Variants in PNRC1 observed in about 807,000 individuals in gnomAD.
The protein encoded by PNRC1 is proline-rich nuclear receptor coactivator 1.
A neutral mutation model predicts 20.2 loss-of-function variants in PNRC1; 6 were observed. The ratio of observed to expected loss-of-function variants is 0.30; its 90% confidence interval spans 0.16 to 0.59. The LOEUF (loss-of-function observed/expected upper bound fraction) is 0.59. Ranked by LOEUF, PNRC1 falls within the 20% of genes least tolerant of loss-of-function variation. The pLI is 0.89. For missense variants in PNRC1, 488 were observed against 430.2 expected, an observed-to-expected ratio of 1.13 and a Z score of -1.19; for synonymous variants, 202 against 186.9, an observed-to-expected ratio of 1.08 and a Z score of -0.66.
rs200652105 is a variant in PNRC1, at chr6:89,080,889, A to T, written c.-6A>T. On this transcript the variant is annotated 5_prime_UTR_variant, in exon 1 of 2. Coordinates refer to ENST00000336032, the MANE Select transcript of PNRC1 (RefSeq NM_006813.3). Reference sequence around the variant, plus strand: ...TTCGTTGCTGAGCGACAAGCTTCCTAGCGCTATGACTGTCGTCTCCGTCCC... The same window carrying T: ...TTCGTTGCTGAGCGACAAGCTTCCTTGCGCTATGACTGTCGTCTCCGTCCC... 12 of 1,609,318 alleles carry T rather than the reference A, an allele frequency of 7.5e-6. No individual in the cohort carries two copies. The highest frequency in any genetic ancestry group is 1.0e-5 in the Non-Finnish European group (12 of 1,179,886).
At position 89,084,850 on chromosome 6, in the gene PNRC1, C is replaced by G. The variant is rs992504805; in HGVS notation, c.*654C>G. 2 of 152,092 alleles carry G rather than the reference C, an allele frequency of 1.3e-5. No individual in the cohort carries two copies. The highest frequency in any genetic ancestry group is 2.4e-5 in the African/African-American group (1 of 41,386). 9.4% of individuals were successfully genotyped at this position (152,092 alleles called of 1,614,324 possible). A position where few individuals can be genotyped will look rare whatever the true frequency, so the allele number is the denominator to read the frequency against. On this transcript the variant is annotated 3_prime_UTR_variant, in exon 2 of 2. Coordinates refer to ENST00000336032, the MANE Select transcript of PNRC1 (RefSeq NM_006813.3). ...CCCCCCTTTTAAAATAGTCTTGACTCTTTGTGTGTGACTGTTTCTCATGTT... is the reference window on the plus strand; with the variant it reads ...CCCCCCTTTTAAAATAGTCTTGACTGTTTGTGTGTGACTGTTTCTCATGTT...
intron 1 of PNRC1, chr6:89,081,916 C>T (rs1365313198): frequency 6.6e-6 from 1 of 152,334 alleles, no homozygotes; most frequent in Non-Finnish European, 1.5e-5. Context: ...CAGTCCTAGT[C>T]GGTGAAACGC....
chr6:89,085,050 T>A lies in PNRC1; in HGVS notation c.*854T>A, dbSNP rs983901358. 6.6e-6 allele frequency: 1 copy of A among 152,158 alleles called. No homozygotes were observed. Among genetic ancestry groups the A allele is most frequent in the Non-Finnish European group, 1.5e-5 (1 of 68,056 alleles). The allele number at this position is 152,158 out of a possible 1,614,324, so 9.4% of individuals were successfully genotyped here. ...TAGAGGCTGAGACGGGAGCATCTCTTGAGCCTGAGAAGTGGAGATTGCAAT... is the reference window on the plus strand; with the variant it reads ...TAGAGGCTGAGACGGGAGCATCTCTAGAGCCTGAGAAGTGGAGATTGCAAT... On this transcript the variant is annotated 3_prime_UTR_variant, in exon 2 of 2. Transcript: ENST00000336032.
At position 89,080,789 on chromosome 6, in the gene PNRC1, C is replaced by A; in HGVS notation, c.-106C>A. ...CACCGCCCGAGTCATGTTCCGCGAT[C>A]TTCTCAGGCTCTCCTAGCAGCATCC... On this transcript the variant is annotated 5_prime_UTR_variant, in exon 1 of 2. Coordinates refer to ENST00000336032, the MANE Select transcript of PNRC1 (RefSeq NM_006813.3). 1.8e-6 allele frequency: 2 copies of A among 1,086,594 alleles called. No individual in the cohort carries two copies. The highest frequency in any genetic ancestry group is 2.7e-6 in the Non-Finnish European group (2 of 734,734). 67.3% of individuals were successfully genotyped at this position (1,086,594 alleles called of 1,614,324 possible).
At position 89,081,114 on chromosome 6, in the gene PNRC1, G is replaced by A. The variant is rs1467492778; in HGVS notation, c.220G>A (p.Ala74Thr). ...CCCGTGTCTGACCCCCCAGCCTCGC[G>A]CTCCAGCAGCTCTGCCCAACCGCAG... ...DGPCLTPQPR[A>T]PAALPNRSLA... The change falls in exon 1 of 2, where the codon GCT (alanine) becomes ACT (threonine). Residue 74 changes from alanine (A) to threonine (T), a missense_variant. Coordinates refer to ENST00000336032, the MANE Select transcript of PNRC1 (RefSeq NM_006813.3). The A allele has an allele frequency of 1.9e-6, 3 of 1,607,722 alleles. No homozygotes were observed. Among genetic ancestry groups the A allele is most frequent in the Non-Finnish European group, 1.7e-6 (2 of 1,179,702 alleles).
Position 89,081,357 on chromosome 6 carries a change from G to T in PNRC1, c.463G>T (p.Ala155Ser). The change falls in exon 1 of 2, where the codon GCC becomes TCC. Residue 155 changes from alanine to serine, a missense_variant. By Grantham distance (99) the Ala-to-Ser change is moderately conservative (BLOSUM62 1). Transcript: ENST00000336032. ...AALAPSPAAA[A>S]GTEGASPDLA... ...CTTGGCCCCGAGTCCTGCAGCCGCAGCCGGCACGGAGGGAGCCAGCCCCGA... is the reference window on the plus strand; with the variant it reads ...CTTGGCCCCGAGTCCTGCAGCCGCATCCGGCACGGAGGGAGCCAGCCCCGA... 6.9e-7 allele frequency: 1 copy of T among 1,441,192 alleles called. No individual in the cohort carries two copies. Among genetic ancestry groups the T allele is most frequent in the Non-Finnish European group, 9.0e-7 (1 of 1,107,848 alleles). The allele number at this position is 1,441,192 out of a possible 1,614,324, so 89.3% of individuals were successfully genotyped here. A position where few individuals can be genotyped will look rare whatever the true frequency, so the allele number is the denominator to read the frequency against.
chr6:89,081,214 C>T lies in PNRC1; in HGVS notation c.320C>T (p.Ala107Val). ...RRKKKVRASPAGQLPSRFHQY... is the reference protein window; with the variant it reads ...RRKKKVRASPVGQLPSRFHQY... ...AAGAAGAAGGTGCGGGCCAGCCCCG[C>T]AGGGCAGCTGCCCAGCCGCTTCCAC... The change falls in exon 1 of 2, where the codon GCA (alanine) becomes GTA (valine). Residue 107 changes from alanine (A) to valine (V), a missense_variant. Physicochemically the swap from Ala to Val is moderately conservative, Grantham distance 64. Coordinates refer to ENST00000336032, the MANE Select transcript of PNRC1 (RefSeq NM_006813.3). The T allele has an allele frequency of 6.4e-7, 1 of 1,558,686 alleles. No individual in the cohort carries two copies.
chr6:89,081,102 C>T lies in PNRC1; in HGVS notation c.208C>T (p.Pro70Ser), dbSNP rs574722768. 2.5e-6 allele frequency: 4 copies of T among 1,609,268 alleles called. No individual in the cohort carries two copies. The highest frequency in any genetic ancestry group is 2.2e-5 in the East Asian group (1 of 44,858). The change falls in exon 1 of 2, where the codon CCC (proline) becomes TCC (serine). Residue 70 changes from proline to serine, a missense_variant. By Grantham distance (74) the Pro-to-Ser change is moderately conservative. Transcript: ENST00000336032. ...AGGGGGAGATGGCCCGTGTCTGACC[C>T]CCCAGCCTCGCGCTCCAGCAGCTCT... Reference protein sequence around the residue: ...FLGGDGPCLTPQPRAPAALPN... With the variant: ...FLGGDGPCLTSQPRAPAALPN...
chr6:89,083,853 A>C lies in PNRC1; in HGVS notation c.641A>C (p.Gln214Pro). Residue 214 changes from glutamine to proline, a missense_variant, in exon 2 of 2, where the codon CAG (glutamine) becomes CCG (proline). Coordinates refer to ENST00000336032, the MANE Select transcript of PNRC1 (RefSeq NM_006813.3). ...TATGAGCAACCAAAGATAAACAGAC[A>C]GAAAAGCAAATATAACTTGCCACTA... ...HLYEQPKINR[Q>P]KSKYNLPLTK... 6.2e-7 allele frequency: 1 copy of C among 1,614,220 alleles called. No homozygotes were observed.
At position 89,084,823 on chromosome 6, in the gene PNRC1, G is replaced by C. The variant is rs1562176836; in HGVS notation, c.*627G>C. The C allele has an allele frequency of 6.6e-6, 1 of 151,932 alleles. No individual in the cohort carries two copies. Among genetic ancestry groups the C allele is most frequent in the East Asian group, 1.9e-4 (1 of 5,198 alleles). The allele number at this position is 151,932 out of a possible 1,614,324, so 9.4% of individuals were successfully genotyped here. On this transcript the variant is annotated 3_prime_UTR_variant, in exon 2 of 2. Transcript: ENST00000336032. ...CAAATTTTAAAATAATAATAATTTG[G>C]CCCCCCCTTTTAAAATAGTCTTGAC...
Position 89,084,311 on chromosome 6 carries a change from G to T in PNRC1, c.*115G>T. The T allele has an allele frequency of 1.5e-6, 1 of 651,424 alleles. No homozygotes were observed. Among genetic ancestry groups the T allele is most frequent in the Non-Finnish European group, 2.6e-6 (1 of 383,492 alleles). The allele number at this position is 651,424 out of a possible 1,614,324, so 40.4% of individuals were successfully genotyped here. On this transcript the variant is annotated 3_prime_UTR_variant, in exon 2 of 2. Coordinates refer to ENST00000336032, the MANE Select transcript of PNRC1 (RefSeq NM_006813.3). The stretch of plus-strand genomic sequence containing the variant: ...GTTGCAACATACAATTGCAAAAGAT[G>T]AGTTTAAAAAATTACATACAAACAG...
chr6:89,083,850 GAC>G lies in PNRC1; in HGVS notation c.640_641del (p.Gln214GlufsTer5). 1 of 1,613,998 alleles carries G rather than the reference GAC, an allele frequency of 6.2e-7. No homozygotes were observed. ...TTGTATGAGCAACCAAAGATAAACA[GAC>G]AGAAAAGCAAATATAACTTGCCACT... On this transcript the variant is annotated frameshift_variant, in exon 2 of 2. Coordinates refer to ENST00000336032, the MANE Select transcript of PNRC1 (RefSeq NM_006813.3). LOFTEE classifies it high-confidence loss of function.
In PNRC1 at chr6:89,080,807, C is replaced by G. The variant is rs1284401396; in HGVS notation, c.-88C>G. ...CCGCGATCTTCTCAGGCTCTCCTAG[C>G]AGCATCCATCGCCGCCACCCTATCT... On this transcript the variant is annotated 5_prime_UTR_variant, in exon 1 of 2. Coordinates refer to ENST00000336032, the MANE Select transcript of PNRC1 (RefSeq NM_006813.3). 1 of 1,288,096 alleles carries G rather than the reference C, an allele frequency of 7.8e-7. No homozygotes were observed. Among genetic ancestry groups the G allele is most frequent in the East Asian group, 2.4e-5 (1 of 42,348 alleles). 79.8% of individuals were successfully genotyped at this position (1,288,096 alleles called of 1,614,324 possible).
chr6:89,083,474 G>A (rs1768047397), intron 1 of PNRC1, among the ~76,000 whole-genome samples: 1 of 152,126 alleles, frequency 6.6e-6, no homozygotes, highest in African/African-American at 2.4e-5. Context: ...AGTGCCTAGT[G>A]TCTGTTGTTG....
chr6:89,083,189 T>C (rs1433811706), intron 1 of PNRC1, among the ~76,000 whole-genome samples: 4 of 152,196 alleles, frequency 2.6e-5, no homozygotes, highest in African/African-American at 9.7e-5. Flanking sequence ...ACATGGGGTT[T>C]CGCTATGTTG....
At position 89,080,990 on chromosome 6, in the gene PNRC1, C is replaced by T; in HGVS notation, c.96C>T (p.Leu32=). The change falls in exon 1 of 2, where the codon CTC becomes CTT. Residue 32 remains leucine, a synonymous_variant. Transcript: ENST00000336032. ...GFSSRGYFGA[L]PMVTTAPPPL... ...CCTCCCGAGGTTACTTTGGGGCCCTCCCGATGGTGACCACGGCTCCGCCTC... is the reference window on the plus strand; with the variant it reads ...CCTCCCGAGGTTACTTTGGGGCCCTTCCGATGGTGACCACGGCTCCGCCTC... 6.2e-7 allele frequency: 1 copy of T among 1,613,170 alleles called. No homozygotes were observed.
rs1163814636 is a variant in PNRC1 at position 89,083,807 on chromosome 6, C to CTTG, written c.598_600dup (p.Val200dup). 2.5e-6 allele frequency: 4 copies of CTTG among 1,602,572 alleles called. No homozygotes were observed. Among genetic ancestry groups the CTTG allele is most frequent in the African/African-American group, 1.3e-5 (1 of 74,440 alleles). On this transcript the variant is annotated inframe_insertion, in exon 2 of 2. Coordinates refer to ENST00000336032, the MANE Select transcript of PNRC1 (RefSeq NM_006813.3). ...GAAAATTGCCCTTCCCCATGGCCAG[C>CTTG]TTGTTCATGGTATACACTTGTATGA...
chr6:89,081,739 T>G, intron 1 of PNRC1: 4 of 188,702 alleles, frequency 2.1e-5, no homozygotes, highest in East Asian at 1.3e-4. Flanking sequence ...GGTTTCGGCG[T>G]TCCGGGCGCG....
Position 89,083,911 on chromosome 6 carries a change from C to G in PNRC1, c.699C>G (p.Asn233Lys). 2 of 1,613,926 alleles carry G rather than the reference C, an allele frequency of 1.2e-6. No individual in the cohort carries two copies. The highest frequency in any genetic ancestry group is 1.7e-6 in the Non-Finnish European group (2 of 1,179,960). ...TCACCTCTGCAAAAAGAAATGAAAA[C>G]AACTTTTGGCAGGATTCTGTTTCAT... ...TKITSAKRNE[N>K]NFWQDSVSSD... The change falls in exon 2 of 2, where the codon AAC (asparagine) becomes AAG (lysine). Residue 233 changes from asparagine to lysine, a missense_variant. Physicochemically the swap from Asn to Lys is moderately conservative, Grantham distance 94. Coordinates refer to ENST00000336032, the MANE Select transcript of PNRC1 (RefSeq NM_006813.3).
Sources: gnomAD v4.1 joint callset for allele counts (sites outside exome capture counted in the v4.1 genomes callset) on GRCh38, gnomAD v4.1.1 for gene constraint, MANE v1.5 for transcripts, NCBI Gene and HGNC (gene_info 2026-07-23, HGNC 2026-07-21) for gene names.